Variants in DUSP29 observed in about 807,000 individuals in gnomAD.
DUSP29 encodes dual specificity phosphatase 29.
A neutral mutation model predicts 13.5 loss-of-function variants in DUSP29; 12 were observed. The ratio of observed to expected loss-of-function variants is 0.89; its 90% CI spans 0.57 to 1.44. DUSP29 has a LOEUF of 1.44. Ranked by LOEUF, DUSP29 falls within the 40% of genes most tolerant of loss-of-function variation. The pLI, the probability that DUSP29 is intolerant of heterozygous loss-of-function variation, is 0.00. For missense variants in DUSP29, 308 were observed against 301.1 expected (o/e 1.02, Z -0.17); for synonymous variants, 134 against 128.7 (o/e 1.04, Z -0.28).
chr10:75,040,017 TA>T (rs35512795), intron 3 of DUSP29, among the ~76,000 whole-genome samples: 1 of 151,802 alleles, frequency 6.6e-6, no homozygotes, highest in Non-Finnish European at 1.5e-5. Context: ...CTGTCTCTAC[TA>T]AAAAATACAA....
In DUSP29 at chr10:75,062,093, G is replaced by A. The variant is rs1033653442; in HGVS notation, c.-34-3545C>T. 4.6e-5 allele frequency among the ~76,000 whole-genome samples: 7 copies of A among 152,320 alleles called. No individual in the cohort carries two copies. The South Asian group carries it at 1.2e-3, about 27-fold the overall frequency. On this transcript the variant is annotated intron_variant, in intron 1 of 3. Transcript: ENST00000338487. ...GTCAGGAAGGAAGAAATTATTTTAA[G>A]GAGTGGCCAGAAATCTTTCTCACAG...
chr10:75,058,864 C>T (rs375919780), intron 1 of DUSP29, among the ~76,000 whole-genome samples: 1 of 152,242 alleles, frequency 6.6e-6, no homozygotes, highest in Non-Finnish European at 1.5e-5. Flanking sequence ...TTAGACTTTA[C>T]TCCTTTGGTT....
intron 2 of DUSP29, among the ~76,000 whole-genome samples, chr10:75,049,648 C>T (rs1283950890): frequency 6.6e-6 from 1 of 152,262 alleles, no homozygotes; most frequent in Non-Finnish European, 1.5e-5. Context: ...GCATCCTAAA[C>T]TGGCCACACC....
chr10:75,041,322 C>A (rs185100515), intron 3 of DUSP29, among the ~76,000 whole-genome samples: 1 of 152,148 alleles, frequency 6.6e-6, no homozygotes, highest in Non-Finnish European at 1.5e-5. Flanking sequence ...TTTAGTCTGT[C>A]CTTTGCAGCA....
chr10:75,045,426 TAGGAAATAAAC>T (rs1180710526), intron 2 of DUSP29, among the ~76,000 whole-genome samples: 1 of 151,772 alleles, frequency 6.6e-6, no homozygotes. Context: ...CTAATGGGGG[TAGGAAATAAAC>T]AAAGATAATT....
chr10:75,062,339 G>A (rs1417583602), intron 1 of DUSP29, among the ~76,000 whole-genome samples: 1 of 152,188 alleles, frequency 6.6e-6, no homozygotes, highest in Non-Finnish European at 1.5e-5. Flanking sequence ...TGATTTTCGG[G>A]AGACGCTAGA....
chr10:75,067,324 C>A (rs113149984), intron 1 of DUSP29, among the ~76,000 whole-genome samples: 12 of 152,256 alleles, frequency 7.9e-5, no homozygotes, highest in African/African-American at 2.9e-4. Flanking sequence ...GGTGCAAGTG[C>A]AGGGTTCTGA....
intron 3 of DUSP29, 87 bp from the exon 4 acceptor site, chr10:75,038,164 C>T: frequency 6.6e-7 from 1 of 1,506,226 alleles, no homozygotes; most frequent in East Asian, 2.3e-5. Context: ...CTGACTGTCA[C>T]CCTCTCGCCC....
rs201160238 is a variant in DUSP29 at position 75,043,772 on chromosome 10, C to A, written c.421+25G>T. On this transcript the variant is annotated intron_variant, in intron 3 of 3. Transcript: ENST00000338487. ...CGGGGCGGGGCGGGGCGGGGCCGAT[C>A]GGGGCGGGGCCGCGGGTCTCTTACT... 1.9e-3 allele frequency: 3,024 copies of A among 1,551,086 alleles called. 56 individuals are homozygous for A. In the East Asian group the frequency reaches 0.051, roughly 26 times the overall value.
intron 3 of DUSP29, among the ~76,000 whole-genome samples, chr10:75,041,096 A>G (rs1394794354): frequency 6.6e-6 from 1 of 152,194 alleles, no homozygotes; most frequent in Non-Finnish European, 1.5e-5. Flanking sequence ...CACACCACTT[A>G]CATAGAGAGT....
At chr10:75,071,942 T>C (rs1484264131) in intron 1 of DUSP29, among the ~76,000 whole-genome samples, 1 of 152,200 alleles carries the variant, frequency 6.6e-6, no homozygotes, top group Non-Finnish European at 1.5e-5. Context: ...CGACAGGCAC[T>C]GGCAGGCCTG....
chr10:75,037,876 T>C lies in DUSP29; in HGVS notation c.623A>G (p.Gln208Arg), dbSNP rs754701667. 1 of 1,612,236 alleles carries C rather than the reference T, an allele frequency of 6.2e-7. No homozygotes were observed. The highest frequency in any genetic ancestry group is 1.1e-5 in the South Asian group (1 of 91,048). Residue 208 changes from glutamine to arginine, a missense_variant, in exon 4 of 4, where the codon CAG becomes CGG. Gln to Arg is a conservative substitution (Grantham distance 43). Coordinates refer to ENST00000338487, the MANE Select transcript of DUSP29 (RefSeq NM_001003892.3). ...KQLVQQRRRS[Q>R]RQDGEEEDGR... ...ATCCTCCTCCTCACCGTCCTGGCGC[T>C]GGGACCGTCGCCTCTGCTGCACCAG...
At chr10:75,062,991 A>G (rs557768489) in intron 1 of DUSP29, among the ~76,000 whole-genome samples, 1 of 152,314 alleles carries the variant, frequency 6.6e-6, no homozygotes, top group African/African-American at 2.4e-5. Context: ...TCCTCCTTAA[A>G]AGGTGACAAA....
intron 2 of DUSP29, among the ~76,000 whole-genome samples, chr10:75,053,917 T>C (rs182472619): frequency 6.6e-6 from 1 of 152,320 alleles, no homozygotes; most frequent in East Asian, 1.9e-4. Flanking sequence ...TGTAAAATGG[T>C]TCCTCCTTTA....
At chr10:75,040,082 A>G (rs1157824443) in intron 3 of DUSP29, among the ~76,000 whole-genome samples, 1 of 152,120 alleles carries the variant, frequency 6.6e-6, no homozygotes, top group Non-Finnish European at 1.5e-5. Context: ...AGGCTGAAAG[A>G]GGAGAATCGC....
At position 75,044,001 on chromosome 10, in the gene DUSP29, G is replaced by T; in HGVS notation, c.217C>A (p.Arg73Ser). The change falls in exon 3 of 4, where the codon CGC (arginine) becomes AGC (serine). Residue 73 changes from arginine to serine, a missense_variant. By Grantham distance (110) the Arg-to-Ser change is moderately radical. Transcript: ENST00000338487. ...AACCCCGCCTTCTGCAGCCTATAGC[G>T]GTCCAGCGCCGTCGCCCTGGGCGCA... Reference protein sequence around the residue: ...YIGDEATALDRYRLQKAGFTH... With the variant: ...YIGDEATALDSYRLQKAGFTH... 5 of 1,610,436 alleles carry T rather than the reference G, an allele frequency of 3.1e-6. No individual in the cohort carries two copies. The highest frequency in any genetic ancestry group is 4.2e-6 in the Non-Finnish European group (5 of 1,178,856).
At chr10:75,060,663 G>A (rs1847069348) in intron 1 of DUSP29, among the ~76,000 whole-genome samples, 1 of 152,118 alleles carries the variant, frequency 6.6e-6, no homozygotes, top group Non-Finnish European at 1.5e-5. Flanking sequence ...GAATAAAGAA[G>A]GAAGCACCAT....
chr10:75,046,119 AAAAG>A (rs1846701708), intron 2 of DUSP29, among the ~76,000 whole-genome samples: 1 of 151,632 alleles, frequency 6.6e-6, no homozygotes, highest in Admixed American at 6.6e-5. Flanking sequence ...CTTTAAAAAA[AAAAG>A]AAAAGAAAAA....
At chr10:75,055,950 C>T (rs1328308564) in intron 2 of DUSP29, among the ~76,000 whole-genome samples, 1 of 152,118 alleles carries the variant, frequency 6.6e-6, no homozygotes, top group African/African-American at 2.4e-5. Context: ...TGCTCTATCC[C>T]TCAGGCTAAA....
Sources: gnomAD v4.1 joint callset for allele counts (sites outside exome capture counted in the v4.1 genomes callset) on GRCh38, gnomAD v4.1.1 for gene constraint, MANE v1.5 for transcripts, NCBI Gene and HGNC (gene_info 2026-07-23, HGNC 2026-07-21) for gene names.